The following AXDND1 variants were observed in gnomAD, a reference collection of about 807,000 sequenced individuals.
The protein encoded by AXDND1 is axonemal dynein light chain domain containing 1.
A neutral mutation model predicts 137.5 loss-of-function variants in AXDND1; 110 were observed. That is an observed-to-expected ratio of 0.80 (90% CI 0.69 to 0.94). AXDND1 has a LOEUF of 0.94. AXDND1 is among the 40% of genes least tolerant of loss of function. AXDND1 has a pLI of 0.00. For synonymous variants in AXDND1, 414 were observed against 399.7 expected, an observed-to-expected ratio of 1.04 and a Z score of -0.43; for missense variants, 1,191 against 1,169.8, an observed-to-expected ratio of 1.02 and a Z score of -0.26.
chr1:179,386,669 T>G (rs185525361), intron 9 of AXDND1, among the ~76,000 whole-genome samples: 13 of 152,260 alleles, frequency 8.5e-5, no homozygotes, highest in Admixed American at 2.6e-4. Context: ...TTCAAGTTCA[T>G]TAATCTTTTT....
rs140261140 is a variant in AXDND1, at chr1:179,417,276, T to A, written c.1230+6010T>A. On this transcript the variant is annotated intron_variant, in intron 12 of 25. Coordinates refer to ENST00000367618, the MANE Select transcript of AXDND1 (RefSeq NM_144696.6). ...TTATCAGATAGATAGTTTGCAAATA[T>A]TTTCTCTATCTCTGTAGGTTTTCTC... 1.3e-3 allele frequency among the ~76,000 whole-genome samples: 203 copies of A among 152,140 alleles called. 1 individual carries two copies. The highest frequency in any genetic ancestry group is 4.7e-3 in the African/African-American group (196 of 41,516).
At chr1:179,413,284 G>C (rs925535897) in intron 12 of AXDND1, among the ~76,000 whole-genome samples, 1 of 152,010 alleles carries the variant, frequency 6.6e-6, no homozygotes, top group Admixed American at 6.6e-5. Context: ...ACGTGTGCAG[G>C]ATAGCTACAT....
chr1:179,460,773 G>A (rs1021704088), intron 16 of AXDND1, among the ~76,000 whole-genome samples: 5 of 152,116 alleles, frequency 3.3e-5, no homozygotes, highest in African/African-American at 1.2e-4. Context: ...TCTCATTGTG[G>A]TTTTGATTTG....
chr1:179,406,119 A>T (rs551268419), intron 11 of AXDND1, among the ~76,000 whole-genome samples: 13 of 152,166 alleles, frequency 8.5e-5, no homozygotes, highest in Non-Finnish European at 1.5e-4. Flanking sequence ...TGACCCAGTG[A>T]TCATTCAGGA....
intron 18 of AXDND1, among the ~76,000 whole-genome samples, chr1:179,485,849 G>T (rs1665977144): frequency 1.3e-5 from 2 of 152,124 alleles, no homozygotes; most frequent in South Asian, 2.1e-4. Flanking sequence ...CAGGCGCGGT[G>T]GCTTATGCCT....
chr1:179,456,217 T>C (rs1282337400), intron 16 of AXDND1: 5 of 793,562 alleles, frequency 6.3e-6, no homozygotes, highest in African/African-American at 1.7e-5. Flanking sequence ...TAAGCTTTGT[T>C]TCCTAATTAA....
chr1:179,406,780 T>A (rs1653039926), intron 11 of AXDND1, among the ~76,000 whole-genome samples: 1 of 152,156 alleles, frequency 6.6e-6, no homozygotes, highest in African/African-American at 2.4e-5. Context: ...AGGCAGCATA[T>A]GTTTAGGTTG....
chr1:179,465,654 G>A (rs114468435), intron 16 of AXDND1, among the ~76,000 whole-genome samples: 4,527 of 152,280 alleles, frequency 0.03, 251 homozygotes, highest in African/African-American at 0.1. Flanking sequence ...AAAGCTGTCA[G>A]CCAGGGATGT....
At chr1:179,516,288 A>G (rs1669532630) in intron 21 of AXDND1, among the ~76,000 whole-genome samples, 2 of 151,968 alleles carry the variant, frequency 1.3e-5, no homozygotes, top group East Asian at 1.9e-4. Flanking sequence ...AGTGTGCCCA[A>G]TTTCCCTGAT....
At chr1:179,413,423 AGTGTCTATT>A (rs1232183234) in intron 12 of AXDND1, among the ~76,000 whole-genome samples, 1 of 152,092 alleles carries the variant, frequency 6.6e-6, no homozygotes, top group Admixed American at 6.6e-5. Flanking sequence ...TGGAGTCACC[AGTGTCTATT>A]ATTTTCGTCC....
intron 16 of AXDND1, chr1:179,456,849 A>G (rs1249847808): frequency 2.4e-6 from 2 of 823,820 alleles, no homozygotes; most frequent in Non-Finnish European, 4.2e-6. Flanking sequence ...CTATTTCTGA[A>G]TGACAGTTTT....
intron 24 of AXDND1, 143 bp downstream of exon 24, chr1:179,534,020 G>A: frequency 6.3e-6 from 4 of 635,154 alleles, no homozygotes; most frequent in Non-Finnish European, 1.1e-5. Context: ...CACATGTTCT[G>A]CTAGAGGCAG....
intron 16 of AXDND1, chr1:179,453,722 C>T (rs537136759): frequency 1.3e-5 from 2 of 149,356 alleles, no homozygotes; most frequent in East Asian, 2.0e-4. Context: ...GTCACTTGAA[C>T]CTGGGAGGCA....
At chr1:179,475,055 G>A (rs927576424) in intron 17 of AXDND1, among the ~76,000 whole-genome samples, 2 of 152,196 alleles carry the variant, frequency 1.3e-5, no homozygotes, top group African/African-American at 4.8e-5. Context: ...GGGCCTGTGG[G>A]TGCACAGAAG....
At chr1:179,466,550 T>A (rs753747658) in intron 16 of AXDND1, among the ~76,000 whole-genome samples, 33 of 152,218 alleles carry the variant, frequency 2.2e-4, no homozygotes, top group Non-Finnish European at 3.5e-4. Context: ...CTAGAATTTA[T>A]TAACTTTTAG....
chr1:179,522,280 G>T (rs1305262067), intron 21 of AXDND1, among the ~76,000 whole-genome samples: 2 of 152,004 alleles, frequency 1.3e-5, no homozygotes, highest in Non-Finnish European at 2.9e-5. Context: ...AAACCTTTCT[G>T]TTGAGTTTTT....
chr1:179,495,824 T>A (rs1367997146), intron 20 of AXDND1, among the ~76,000 whole-genome samples: 1 of 151,712 alleles, frequency 6.6e-6, no homozygotes, highest in African/African-American at 2.4e-5. Flanking sequence ...TAATGCTAGC[T>A]ATAGGTTTTT....
chr1:179,371,185 T>C (rs1289589898), intron 4 of AXDND1, among the ~76,000 whole-genome samples: 1 of 152,172 alleles, frequency 6.6e-6, no homozygotes, highest in East Asian at 1.9e-4. Context: ...CCCAGCACTT[T>C]GGGAGGCCGA....
intron 17 of AXDND1, among the ~76,000 whole-genome samples, chr1:179,469,898 A>G (rs1042388484): frequency 3.9e-5 from 6 of 152,182 alleles, no homozygotes; most frequent in African/African-American, 1.4e-4. Context: ...TTCTTTGCCA[A>G]ATCCAAGGTC....
Sources: allele counts gnomAD v4.1 joint callset (sites outside exome capture counted in the v4.1 genomes callset), GRCh38; gene constraint gnomAD v4.1.1; transcripts MANE v1.5; gene names NCBI Gene and HGNC (gene_info 2026-07-23, HGNC 2026-07-21).